Variants in PREX1 observed in about 807,000 individuals in gnomAD.
PREX1 encodes phosphatidylinositol 3,4,5-trisphosphate-dependent Rac exchanger 1 protein.
In PREX1, 41 loss-of-function variants were observed where a neutral mutation model predicts 198.3. The observed-to-expected ratio is 0.21, with a 90% CI of 0.16 to 0.27. PREX1 has a LOEUF of 0.27. Ranked by LOEUF, PREX1 falls within the 10% of genes least tolerant of loss-of-function variation. The pLI, the probability that PREX1 is intolerant of heterozygous loss-of-function variation, is 1.00. For synonymous variants in PREX1, 843 were observed against 887.2 expected (o/e 0.95, Z 0.89); for missense variants, 1,620 against 2,200.7 (o/e 0.74, Z 5.28).
chr20:48,730,447 ACG>A (rs1555838952), intron 4 of PREX1, among the ~76,000 whole-genome samples: 85 of 144,234 alleles, frequency 5.9e-4, no homozygotes, highest in African/African-American at 2.3e-3. Context: ...ACACACACAC[ACG>A]CACATCCTGA....
At chr20:48,712,895 G>C (rs376345539) in intron 5 of PREX1, among the ~76,000 whole-genome samples, 19 of 152,342 alleles carry the variant, frequency 1.2e-4, no homozygotes, top group African/African-American at 4.6e-4. Flanking sequence ...GGAGGCCCAG[G>C]CAGGCAGATC....
At position 48,651,049 on chromosome 20, in the gene PREX1, C is replaced by G. The variant is rs758822863; in HGVS notation, c.2662G>C (p.Glu888Gln). 1 of 1,613,902 alleles carries G rather than the reference C, an allele frequency of 6.2e-7. No individual in the cohort carries two copies. Among genetic ancestry groups the G allele is most frequent in the South Asian group, 1.1e-5 (1 of 91,066 alleles). ...ACGCTGTCATTGGCAGCAAAGGCCT[C>G]GAGGATCTGCAGAAATGTCAACAGC... ...GCFGLTAKILEAFAANDSVFV... is the reference protein window; with the variant it reads ...GCFGLTAKILQAFAANDSVFV... The change falls in exon 23 of 40, where the codon GAG becomes CAG. Residue 888 changes from glutamate to glutamine, a missense_variant. Coordinates refer to ENST00000371941, the MANE Select transcript of PREX1 (RefSeq NM_020820.4).
chr20:48,862,788 A>ATATATAT, the PREX1 span, among the ~76,000 whole-genome samples: 196 of 49,792 alleles, frequency 3.9e-3, 4 homozygotes, highest in Middle Eastern at 0.023. Flanking sequence ...CCTAAAAAAA[A>ATATATAT]AAATATATAT....
chr20:48,708,305 C>G lies in PREX1; in HGVS notation c.738G>C (p.Lys246Asn). 6.2e-7 allele frequency: 1 copy of G among 1,614,162 alleles called. No individual in the cohort carries two copies. The highest frequency in any genetic ancestry group is 8.5e-7 in the Non-Finnish European group (1 of 1,180,034). The change falls in exon 6 of 40, where the codon AAG (lysine) becomes AAC (asparagine). Residue 246 changes from lysine to asparagine, a missense_variant. Coordinates refer to ENST00000371941, the MANE Select transcript of PREX1 (RefSeq NM_020820.4). Reference protein sequence around the residue: ...NINETKRQMEKLEALEQLQSH... With the variant: ...NINETKRQMENLEALEQLQSH... ...ACTGCAGCTGCTCCAGGGCTTCCAG[C>G]TTCTCCATCTGCCGCTTGGTCTCAT...
intron 5 of PREX1, among the ~76,000 whole-genome samples, chr20:48,723,641 T>C (rs2089996514): frequency 6.6e-6 from 1 of 152,224 alleles, no homozygotes; most frequent in Non-Finnish European, 1.5e-5. Context: ...AACAGCCGTC[T>C]GGCCAGGAGA....
At chr20:48,652,525 C>T (rs2122903748) in intron 21 of PREX1, 61 bp downstream of exon 21, 2 of 1,535,528 alleles carry the variant, frequency 1.3e-6, no homozygotes, top group East Asian at 4.7e-5. Flanking sequence ...GGAGAGGACC[C>T]AGCCCCTCCG....
chr20:48,689,077 C>T (rs911232980), intron 9 of PREX1, among the ~76,000 whole-genome samples: 1 of 152,230 alleles, frequency 6.6e-6, no homozygotes, highest in African/African-American at 2.4e-5. Flanking sequence ...GTCATGCCTT[C>T]AACCCAGGAA....
intron 39 of PREX1, among the ~76,000 whole-genome samples, chr20:48,627,298 T>G (rs1459271173): frequency 1.4e-5 from 2 of 147,818 alleles, no homozygotes; most frequent in Non-Finnish European, 3.0e-5. Flanking sequence ...GGGCACAGTG[T>G]AGTGAGGTGG....
chr20:48,745,869 T>G (rs915452291), intron 2 of PREX1, among the ~76,000 whole-genome samples: 38 of 152,124 alleles, frequency 2.5e-4, no homozygotes, highest in African/African-American at 8.9e-4. Flanking sequence ...TGTCACAAAT[T>G]GGGAGGAAAA....
Position 48,679,345 on chromosome 20 carries a change from G to A in PREX1, c.1589+15C>T, listed in dbSNP as rs1423942992. ...GAGGTAGAGGTGAAATTGGAGCTTG[G>A]AAAGAGTAACTTACTTGATCACCGG... On this transcript the variant is annotated intron_variant, in intron 13 of 39. Transcript: ENST00000371941. 3 of 1,609,094 alleles carry A rather than the reference G, an allele frequency of 1.9e-6. No homozygotes were observed. Among genetic ancestry groups the A allele is most frequent in the Non-Finnish European group, 2.6e-6 (3 of 1,175,592 alleles).
chr20:48,783,495 G>A (rs968679142), intron 1 of PREX1, among the ~76,000 whole-genome samples: 6 of 152,238 alleles, frequency 3.9e-5, no homozygotes, highest in East Asian at 1.9e-4. Flanking sequence ...GGCCATACCC[G>A]GGTGCAATCC....
chr20:48,656,525 C>G (rs552659939), intron 18 of PREX1: 115 of 456,862 alleles, frequency 2.5e-4, no homozygotes, highest in African/African-American at 2.2e-3. Context: ...GCGCCAGACA[C>G]GGTCCCACTT....
chr20:48,755,134 G>A (rs1375897209), intron 1 of PREX1, among the ~76,000 whole-genome samples: 2 of 152,158 alleles, frequency 1.3e-5, no homozygotes, highest in African/African-American at 4.8e-5. Context: ...AAAATAGTTT[G>A]CAGAAGTCTA....
the PREX1 span, among the ~76,000 whole-genome samples, chr20:48,863,909 A>T: frequency 6.6e-6 from 1 of 152,170 alleles, no homozygotes; most frequent in Non-Finnish European, 1.5e-5. Flanking sequence ...ACTTAGCAAT[A>T]CACATTTAAG....
the PREX1 span, among the ~76,000 whole-genome samples, chr20:48,848,539 G>A: frequency 6.6e-6 from 1 of 151,972 alleles, no homozygotes; most frequent in African/African-American, 2.4e-5. Flanking sequence ...TTACAGATGT[G>A]AGCCACCACA....
intron 1 of PREX1, among the ~76,000 whole-genome samples, chr20:48,795,260 C>A (rs1213742527): frequency 6.6e-6 from 1 of 152,174 alleles, no homozygotes; most frequent in East Asian, 1.9e-4. Context: ...AGACAAATGA[C>A]TCAACCCCTC....
chr20:48,681,568 A>G (rs1473875125), intron 10 of PREX1, among the ~76,000 whole-genome samples: 2 of 151,616 alleles, frequency 1.3e-5, no homozygotes, highest in Non-Finnish European at 2.9e-5. Flanking sequence ...GGCTCACTGG[A>G]TGGATGCATG....
At chr20:48,670,464 C>G (rs1568815655) in intron 14 of PREX1, among the ~76,000 whole-genome samples, 1 of 152,184 alleles carries the variant, frequency 6.6e-6, no homozygotes, top group Non-Finnish European at 1.5e-5. Flanking sequence ...GGCCTCTGCT[C>G]TCTCCTGCTC....
At chr20:48,650,268 T>A (rs2089483855) in intron 23 of PREX1, 62 bp from the exon 24 acceptor site, 3 of 1,474,830 alleles carry the variant, frequency 2.0e-6, no homozygotes, top group African/African-American at 1.4e-5. Context: ...TATTGGCCCA[T>A]ACCCAGTACC....
Sources: gnomAD v4.1 joint callset for allele counts (sites outside exome capture counted in the v4.1 genomes callset) on GRCh38, gnomAD v4.1.1 for gene constraint, MANE v1.5 for transcripts, NCBI Gene and HGNC (gene_info 2026-07-23, HGNC 2026-07-21) for gene names.